The following KRCC1 variants were observed in gnomAD, a reference collection of about 807,000 sequenced individuals.
The protein encoded by KRCC1 is lysine-rich coiled-coil protein 1.
In KRCC1, 3 loss-of-function variants were observed where a neutral mutation model predicts 7.4. The ratio of observed to expected loss-of-function variants is 0.40; its 90% CI spans 0.18 to 1.04. The LOEUF is 1.04. Ranked by LOEUF, KRCC1 falls within the 50% of genes least tolerant of loss-of-function variation. The pLI is 0.33. For synonymous variants in KRCC1, 102 were observed against 101.6 expected (o/e 1.00, Z -0.02); for missense variants, 277 against 300.9 (o/e 0.92, Z 0.59).
intron 1 of KRCC1, among the ~76,000 whole-genome samples, chr2:88,050,334 G>T (rs767279758): frequency 2.0e-5 from 3 of 152,084 alleles, no homozygotes; most frequent in Non-Finnish European, 4.4e-5. Flanking sequence ...CTTAAAAACA[G>T]GTAGAGCTGG....
intron 2 of KRCC1, among the ~76,000 whole-genome samples, chr2:88,036,231 G>C (rs1170932169): frequency 6.6e-6 from 1 of 152,180 alleles, no homozygotes; most frequent in Non-Finnish European, 1.5e-5. Context: ...CCAGGTCTCA[G>C]AGCGTGAGAA....
At chr2:88,049,384 C>G (rs377111544) in intron 1 of KRCC1, among the ~76,000 whole-genome samples, 1 of 152,072 alleles carries the variant, frequency 6.6e-6, no homozygotes, top group Non-Finnish European at 1.5e-5. Context: ...AAGGGGGAAG[C>G]GTATCAATGC....
chr2:88,051,706 C>A (rs918718647), intron 1 of KRCC1, among the ~76,000 whole-genome samples: 2 of 152,312 alleles, frequency 1.3e-5, no homozygotes, highest in African/African-American at 4.8e-5. Flanking sequence ...AGAGATTACT[C>A]TGAATGTCAT....
chr2:88,032,655 T>C (rs1483426674), intron 3 of KRCC1, among the ~76,000 whole-genome samples: 4 of 152,128 alleles, frequency 2.6e-5, no homozygotes, highest in Non-Finnish European at 5.9e-5. Context: ...GAAACTCAAA[T>C]GTCAATCAAC....
At chr2:88,054,287 T>C (rs1211210855) in intron 1 of KRCC1, among the ~76,000 whole-genome samples, 3 of 152,236 alleles carry the variant, frequency 2.0e-5, no homozygotes, top group Non-Finnish European at 1.5e-5. Flanking sequence ...TGAGCTCCTG[T>C]TGGAAAAGCC....
In KRCC1 at chr2:88,053,541, A is replaced by G. The variant is rs143368348; in HGVS notation, c.-291+2085T>C. Among the ~76,000 whole-genome samples the G allele has an allele frequency of 5.3e-3, 813 of 152,306 alleles. 5 individuals are homozygous for G. Among genetic ancestry groups the G allele is most frequent in the African/African-American group, 0.019 (780 of 41,562 alleles). On this transcript the variant is annotated intron_variant, in intron 1 of 3. Coordinates refer to ENST00000347055, the MANE Select transcript of KRCC1 (RefSeq NM_016618.3). ...AGTGAGAGGCAGGAAATGTGTTATA[A>G]AAGCAAAATAATCCAGGCTGACTGA... is the stretch of plus-strand genomic sequence containing the variant.
chr2:88,047,813 GCCA>G (rs1384518854), intron 1 of KRCC1, among the ~76,000 whole-genome samples: 2 of 152,050 alleles, frequency 1.3e-5, no homozygotes, highest in Non-Finnish European at 2.9e-5. Context: ...ACAGGCATGA[GCCA>G]CCATGTTTGG....
chr2:88,046,373 C>T, intron 1 of KRCC1, among the ~76,000 whole-genome samples: 1 of 152,152 alleles, frequency 6.6e-6, no homozygotes, highest in East Asian at 1.9e-4. Flanking sequence ...TTAATACATG[C>T]AAAGCACTTA....
chr2:88,037,606 G>A (rs1199355610), intron 1 of KRCC1, among the ~76,000 whole-genome samples: 1 of 152,082 alleles, frequency 6.6e-6, no homozygotes, highest in African/African-American at 2.4e-5. Flanking sequence ...ATGGGGTTTC[G>A]CCATGTTGCC....
intron 1 of KRCC1, among the ~76,000 whole-genome samples, chr2:88,054,985 GCA>G (rs1393345433): frequency 2.0e-5 from 3 of 152,126 alleles, no homozygotes; most frequent in Admixed American, 1.3e-4. Context: ...AGGATTAAAA[GCA>G]CACACACATA....
At chr2:88,050,723 T>C (rs1673457451) in intron 1 of KRCC1, among the ~76,000 whole-genome samples, 1 of 152,202 alleles carries the variant, frequency 6.6e-6, no homozygotes, top group African/African-American at 2.4e-5. Context: ...TTAGTGAAAC[T>C]TTTTTTAACT....
chr2:88,046,831 C>G lies in KRCC1; in HGVS notation c.-291+8795G>C, dbSNP rs1188894013. ...GACTACAGGCATCTGCCACTAAGCC[C>G]AGCTTATTTTTTATATTTTTTTTGC... is the stretch of plus-strand genomic sequence containing the variant. On this transcript the variant is annotated intron_variant, in intron 1 of 3. Coordinates refer to ENST00000347055, the MANE Select transcript of KRCC1 (RefSeq NM_016618.3). Among the ~76,000 whole-genome samples the G allele has an allele frequency of 4.6e-5, 7 of 152,114 alleles. 1 individual carries two copies. The highest frequency in any genetic ancestry group is 1.7e-4 in the African/African-American group (7 of 41,406).
At chr2:88,039,094 T>G (rs1458602373) in intron 1 of KRCC1, among the ~76,000 whole-genome samples, 1 of 151,748 alleles carries the variant, frequency 6.6e-6, no homozygotes, top group African/African-American at 2.4e-5. Context: ...CAGAAAAAAA[T>G]CTGAAAAGAT....
At position 88,037,289 on chromosome 2, in the gene KRCC1, GAA is replaced by G. The variant is rs796411076; in HGVS notation, c.-290-240_-290-239del. ...TAGTCTACAAAACACCATCCTGAAG[GAA>G]AAGTTACTGGGGCACCAATATTGAA... is the stretch of plus-strand genomic sequence containing the variant. On this transcript the variant is annotated intron_variant, in intron 1 of 3. Transcript: ENST00000347055. 3.3e-5 allele frequency among the ~76,000 whole-genome samples: 5 copies of G among 152,178 alleles called. No homozygotes were observed. In the South Asian group the frequency reaches 1.0e-3, roughly 32 times the overall value.
At chr2:88,037,600 G>A (rs1444051073) in intron 1 of KRCC1, among the ~76,000 whole-genome samples, 1 of 152,134 alleles carries the variant, frequency 6.6e-6, no homozygotes, top group Non-Finnish European at 1.5e-5. Flanking sequence ...GTAGAGATGG[G>A]GTTTCGCCAT....
chr2:88,035,674 G>C (rs1673077527), intron 2 of KRCC1, among the ~76,000 whole-genome samples: 1 of 152,108 alleles, frequency 6.6e-6, no homozygotes, highest in African/African-American at 2.4e-5. Flanking sequence ...TAAATGTAGG[G>C]AAAAGGACAC....
chr2:88,042,471 T>G (rs1056160542), intron 1 of KRCC1, among the ~76,000 whole-genome samples: 40 of 146,192 alleles, frequency 2.7e-4, no homozygotes, highest in African/African-American at 8.4e-4. Context: ...GAGGCTGGAG[T>G]GCAGAGGCAT....
intron 1 of KRCC1, among the ~76,000 whole-genome samples, chr2:88,054,787 G>GT (rs1187103115): frequency 6.6e-6 from 1 of 152,192 alleles, no homozygotes; most frequent in African/African-American, 2.4e-5. Context: ...CCAGCTTCGT[G>GT]TATCTCTGAC....
intron 2 of KRCC1, among the ~76,000 whole-genome samples, chr2:88,036,110 C>CTCTA (rs1315792379): frequency 6.6e-6 from 1 of 152,122 alleles, no homozygotes; most frequent in Non-Finnish European, 1.5e-5. Flanking sequence ...AGAGGGAAAA[C>CTCTA]TAGATGAGTT....
Sources: allele counts gnomAD v4.1 joint callset (sites outside exome capture counted in the v4.1 genomes callset), GRCh38; gene constraint gnomAD v4.1.1; transcripts MANE v1.5; gene names NCBI Gene and HGNC (gene_info 2026-07-23, HGNC 2026-07-21).